Variants in FAT3 observed in about 807,000 individuals in gnomAD.
The protein encoded by FAT3 is protocadherin Fat 3.
FAT3 carries 95 observed loss-of-function variants against 310.2 expected under a neutral mutation model. The observed-to-expected ratio is 0.31, with a 90% CI of 0.26 to 0.36. The LOEUF (loss-of-function observed/expected upper bound fraction) is 0.36, where lower values mean the gene tolerates loss of function less well. Ranked by LOEUF, FAT3 falls within the 10% of genes least tolerant of loss-of-function variation. The pLI is 1.00. For missense variants in FAT3, 5,408 were observed against 5,715.6 expected (o/e 0.95, Z 1.74); for synonymous variants, 2,314 against 2,192.9 (o/e 1.06, Z -1.54).
intron 3 of FAT3, among the ~76,000 whole-genome samples, chr11:92,689,486 T>C (rs1305346284): frequency 1.3e-5 from 2 of 152,238 alleles, no homozygotes; most frequent in Non-Finnish European, 2.9e-5. Context: ...TTAATTTCTC[T>C]GAAGAAATCC....
chr11:92,553,582 C>A (rs980986344), intron 3 of FAT3, among the ~76,000 whole-genome samples: 1 of 152,200 alleles, frequency 6.6e-6, no homozygotes, highest in Non-Finnish European at 1.5e-5. Context: ...ATGAAGGAAC[C>A]TGGGCCTTGG....
intron 3 of FAT3, among the ~76,000 whole-genome samples, chr11:92,546,557 G>A (rs1207052027): frequency 1.3e-5 from 2 of 152,154 alleles, no homozygotes; most frequent in Non-Finnish European, 2.9e-5. Context: ...GGTGTTTTCT[G>A]ATCTTAACTG....
intron 1 of FAT3, among the ~76,000 whole-genome samples, chr11:92,312,153 G>A (rs906348632): frequency 4.6e-5 from 7 of 152,156 alleles, no homozygotes; most frequent in East Asian, 1.9e-4. Flanking sequence ...CAACCTGGGC[G>A]TATTCAAAGG....
chr11:92,364,662 A>G (rs1168683571), intron 2 of FAT3, among the ~76,000 whole-genome samples: 1 of 152,206 alleles, frequency 6.6e-6, no homozygotes, highest in Non-Finnish European at 1.5e-5. Context: ...AGCATGTCTT[A>G]TCGACAGACA....
rs7950476 is a variant in FAT3 at position 92,623,929 on chromosome 11, C to T, written c.3608-73455C>T. Among the ~76,000 whole-genome samples, 678 of 151,930 alleles carry T rather than the reference C, an allele frequency of 4.5e-3. 4 individuals are homozygous for T. The highest frequency in any genetic ancestry group is 0.016 in the African/African-American group (642 of 41,410). On this transcript the variant is annotated intron_variant, in intron 3 of 27. Coordinates refer to ENST00000525166, the MANE Select transcript of FAT3 (RefSeq NM_001367949.2). ...CTGCACTCCAACCTGGATGACAAAGCGAGACTCTGCCTCAAAGAAAAAAAA... is the reference window on the plus strand; with the variant it reads ...CTGCACTCCAACCTGGATGACAAAGTGAGACTCTGCCTCAAAGAAAAAAAA...
intron 3 of FAT3, among the ~76,000 whole-genome samples, chr11:92,690,348 C>G (rs1471489994): frequency 1.3e-5 from 2 of 152,206 alleles, no homozygotes; most frequent in African/African-American, 2.4e-5. Flanking sequence ...TCAGAAATCT[C>G]TATTTATGAA....
chr11:92,689,643 A>C (rs1943739907), intron 3 of FAT3, among the ~76,000 whole-genome samples: 1 of 152,112 alleles, frequency 6.6e-6, no homozygotes, highest in African/African-American at 2.4e-5. Flanking sequence ...TGAGGAGAGG[A>C]ATTGATGGAA....
intron 1 of FAT3, among the ~76,000 whole-genome samples, chr11:92,320,334 A>G (rs1206924854): frequency 5.3e-5 from 8 of 152,170 alleles, no homozygotes; most frequent in Non-Finnish European, 1.0e-4. Context: ...CCTGATTTGC[A>G]TAACAGCAGA....
chr11:92,327,616 T>A (rs1352820315), intron 1 of FAT3, among the ~76,000 whole-genome samples: 2 of 152,230 alleles, frequency 1.3e-5, no homozygotes, highest in Non-Finnish European at 2.9e-5. Context: ...CCATTGCTTG[T>A]GGCCCTTGAA....
chr11:92,861,488 T>C (rs1181788156), intron 21 of FAT3, among the ~76,000 whole-genome samples: 1 of 152,212 alleles, frequency 6.6e-6, no homozygotes, highest in Non-Finnish European at 1.5e-5. Flanking sequence ...GAAACAAGCA[T>C]GTTTCTGAAA....
At chr11:92,868,250 G>C (rs1478606853) in intron 22 of FAT3, among the ~76,000 whole-genome samples, 1 of 152,146 alleles carries the variant, frequency 6.6e-6, no homozygotes, top group Non-Finnish European at 1.5e-5. Flanking sequence ...TTTATTATTA[G>C]AATGTTATAA....
chr11:92,719,067 G>A (rs191922943), intron 4 of FAT3, among the ~76,000 whole-genome samples: 94 of 152,226 alleles, frequency 6.2e-4, no homozygotes, highest in African/African-American at 2.2e-3. Flanking sequence ...TACAGTATTA[G>A]GTTCCTGATA....
At chr11:92,815,206 A>G (rs1329158999) in intron 13 of FAT3, among the ~76,000 whole-genome samples, 3 of 152,172 alleles carry the variant, frequency 2.0e-5, no homozygotes, top group Non-Finnish European at 4.4e-5. Context: ...ACCAGGGACT[A>G]GGAAAGCTCC....
At chr11:92,258,989 A>G (rs1456101075) in intron 1 of FAT3, among the ~76,000 whole-genome samples, 1 of 149,756 alleles carries the variant, frequency 6.7e-6, no homozygotes. Context: ...TGGATAGGAA[A>G]GGAGGAATGT....
chr11:92,244,990 G>A (rs1240026934), intron 1 of FAT3, among the ~76,000 whole-genome samples: 1 of 151,870 alleles, frequency 6.6e-6, no homozygotes, highest in Non-Finnish European at 1.5e-5. Flanking sequence ...CCCATTACTG[G>A]GTATATACCC....
At chr11:92,611,769 C>T (rs2135627101) in intron 3 of FAT3, among the ~76,000 whole-genome samples, 1 of 152,242 alleles carries the variant, frequency 6.6e-6, no homozygotes, top group African/African-American at 2.4e-5. Context: ...TTGCAATGAT[C>T]TCAATGGAGG....
intron 19 of FAT3, among the ~76,000 whole-genome samples, chr11:92,856,005 G>A (rs1271775084): frequency 7.9e-6 from 1 of 126,836 alleles, no homozygotes; most frequent in East Asian, 2.2e-4. Context: ...TTTTGAGACA[G>A]GGTCTTGTTC....
rs762249238 is a variant in FAT3 at position 92,352,877 on chromosome 11, C to T, written c.765C>T (p.His255=). 1 of 1,613,808 alleles carries T rather than the reference C, an allele frequency of 6.2e-7. No individual in the cohort carries two copies. Among genetic ancestry groups the T allele is most frequent in the Non-Finnish European group, 8.5e-7 (1 of 1,179,854 alleles). Residue 255 remains histidine (H), a synonymous_variant, in exon 2 of 28, where the codon CAC becomes CAT. Coordinates refer to ENST00000525166, the MANE Select transcript of FAT3 (RefSeq NM_001367949.2). ...GCAGTACTGCAAAGCTTTATGTTCA[C>T]ATTGAGCGCATAAATGAACATGCCC... ...GVSSTAKLYV[H]IERINEHAPT...
intron 4 of FAT3, among the ~76,000 whole-genome samples, chr11:92,735,806 G>C (rs562014461): frequency 9.9e-5 from 15 of 151,124 alleles, no homozygotes; most frequent in Non-Finnish European, 1.9e-4. Flanking sequence ...TGTATATCCA[G>C]TGCTTAACCT....
Sources: gnomAD v4.1 joint callset for allele counts (sites outside exome capture counted in the v4.1 genomes callset) on GRCh38, gnomAD v4.1.1 for gene constraint, MANE v1.5 for transcripts, NCBI Gene and HGNC (gene_info 2026-07-23, HGNC 2026-07-21) for gene names.